The following SDK2 variants were observed in gnomAD, a reference collection of about 807,000 sequenced individuals.
SDK2 encodes sidekick cell adhesion molecule 2, also known as protein sidekick-2.
Under a neutral mutation model 253.9 loss-of-function variants are expected in SDK2, and 105 were observed. That is an observed-to-expected ratio of 0.41 (90% CI 0.35 to 0.49). SDK2 has a LOEUF of 0.49. SDK2 is among the 20% of genes least tolerant of loss of function. SDK2 has a pLI of 0.06. For missense variants in SDK2, 2,608 were observed against 3,003.0 expected, an observed-to-expected ratio of 0.87 and a Z score of 3.07; for synonymous variants, 1,249 against 1,234.9, an observed-to-expected ratio of 1.01 and a Z score of -0.24.
intron 8 of SDK2, 28 bp downstream of exon 8, chr17:73,437,711 T>A (rs1218077522): frequency 4.4e-6 from 7 of 1,574,600 alleles, no homozygotes; most frequent in Non-Finnish European, 6.1e-6. Context: ...GGGGTCTTTG[T>A]CCCCCTCCAG....
In SDK2 at chr17:73,337,663, A is replaced by G. The variant is rs1279339074; in HGVS notation, c.*924T>C. ...GAACCTGGATTGGAAGAAAGAGAAC[A>G]GTCAAAGTGTCATTCTTATCTTGCC... On this transcript the variant is annotated 3_prime_UTR_variant, in exon 45 of 45. Coordinates refer to ENST00000392650, the MANE Select transcript of SDK2 (RefSeq NM_001144952.2). The G allele has an allele frequency of 1.3e-5, 2 of 152,298 alleles. No homozygotes were observed. The highest frequency in any genetic ancestry group is 6.5e-5 in the Admixed American group (1 of 15,282). The allele number at this position is 152,298 out of a possible 1,614,324, so 9.4% of individuals were successfully genotyped here.
chr17:73,600,910 G>A (rs897236448), intron 1 of SDK2, among the ~76,000 whole-genome samples: 4 of 152,160 alleles, frequency 2.6e-5, no homozygotes, highest in Admixed American at 2.6e-4. Flanking sequence ...ACAGGAGGCA[G>A]GATACCAGAG....
At position 73,386,315 on chromosome 17, in the gene SDK2, G is replaced by C. The variant is rs80092974; in HGVS notation, c.4498+130C>G. 7.2e-3 allele frequency: 5,032 copies of C among 694,872 alleles called. 148 individuals carry two copies. The East Asian group carries it at 0.079, about 11-fold the overall frequency. 43.0% of individuals were successfully genotyped at this position (694,872 alleles called of 1,614,324 possible). ...CAAACCTCCCTGAGACCCTACCCCGGGAGCTGAAGGGCCCAGTGGGTCCCA... is the reference window on the plus strand; with the variant it reads ...CAAACCTCCCTGAGACCCTACCCCGCGAGCTGAAGGGCCCAGTGGGTCCCA... On this transcript the variant is annotated intron_variant, in intron 31 of 44. Transcript: ENST00000392650.
chr17:73,418,047 G>A (rs1036193127), intron 16 of SDK2, among the ~76,000 whole-genome samples: 3 of 127,610 alleles, frequency 2.4e-5, no homozygotes, highest in Admixed American at 2.0e-4. Context: ...ATGGAGTCTC[G>A]CCCAGGCTGG....
chr17:73,503,160 A>T (rs1031037107), intron 2 of SDK2, among the ~76,000 whole-genome samples: 3 of 152,226 alleles, frequency 2.0e-5, no homozygotes, highest in African/African-American at 7.2e-5. Context: ...ATCAAGACTC[A>T]TGGCAATTAA....
chr17:73,530,695 C>T (rs551056330), intron 1 of SDK2, among the ~76,000 whole-genome samples: 3 of 152,316 alleles, frequency 2.0e-5, no homozygotes, highest in Middle Eastern at 3.4e-3. Flanking sequence ...CCTGGTCTTA[C>T]AGTCTCAATT....
chr17:73,414,817 C>T (rs1018479910), intron 17 of SDK2, 58 bp from the exon 18 acceptor site: 9 of 1,129,454 alleles, frequency 8.0e-6, no homozygotes, highest in African/African-American at 7.6e-5. Context: ...CTCTCTTGCC[C>T]AGTTCAGTAG....
At position 73,639,660 on chromosome 17, in the gene SDK2, A is replaced by T. The variant is rs1052856285; in HGVS notation, c.64+4365T>A. Among the ~76,000 whole-genome samples the T allele has an allele frequency of 6.6e-6, 1 of 151,796 alleles. No individual in the cohort carries two copies. The highest frequency in any genetic ancestry group is 1.5e-5 in the Non-Finnish European group (1 of 67,944). ...GAAACCCCGCAGGGCGCACACTAAC[A>T]CCCGACATCAATTCCAACTCAGCCT... On this transcript the variant is annotated intron_variant, in intron 1 of 44. Transcript: ENST00000392650. This position sits in a 1 kb window ranked among gnomAD's most constrained non-coding sequence, Gnocchi z 4.3.
rs370403996 is a variant in SDK2, at chr17:73,379,160, G to C, written c.4980+17C>G. ...TCTCATCCGTGCACCCCTTTGCTCT[G>C]CCCGAGGGCACCCTACCTTGTACCC... On this transcript the variant is annotated intron_variant, in intron 36 of 44. Coordinates refer to ENST00000392650, the MANE Select transcript of SDK2 (RefSeq NM_001144952.2). The surrounding 1 kb of genome is among the most constrained non-coding windows in gnomAD (Gnocchi z 4.5). The C allele has an allele frequency of 6.5e-7, 1 of 1,544,038 alleles. No homozygotes were observed. The highest frequency in any genetic ancestry group is 8.8e-7 in the Non-Finnish European group (1 of 1,139,656).
intron 1 of SDK2, among the ~76,000 whole-genome samples, chr17:73,576,207 A>G (rs2045457100): frequency 6.6e-6 from 1 of 152,170 alleles, no homozygotes; most frequent in African/African-American, 2.4e-5. Flanking sequence ...AGGGAAAGGC[A>G]TCCCAAAGAA....
At position 73,383,942 on chromosome 17, in the gene SDK2, C is replaced by T; in HGVS notation, c.4639G>A (p.Glu1547Lys). Residue 1547 changes from glutamate to lysine, a missense_variant, in exon 33 of 45, where the codon GAA (glutamate) becomes AAA (lysine). This residue lies in a region of SDK2 where 1,103 missense variants were observed against 1,143.9 expected (regional missense o/e 0.96). Coordinates refer to ENST00000392650, the MANE Select transcript of SDK2 (RefSeq NM_001144952.2). The surrounding 1 kb of genome is among the most constrained non-coding windows in gnomAD (Gnocchi z 4.3). The stretch of plus-strand genomic sequence containing the variant: ...CGAAGCGTGAAGCCCCTCAGTCCTT[C>T]ATAGAGCAGCTCCCGGTATCGGATC... ...FRIRYRELLYEGLRGFTLRGI... is the reference protein window; with the variant it reads ...FRIRYRELLYKGLRGFTLRGI... 2 of 1,613,958 alleles carry T rather than the reference C, an allele frequency of 1.2e-6. No individual in the cohort carries two copies. The highest frequency in any genetic ancestry group is 4.5e-5 in the East Asian group (2 of 44,860).
chr17:73,546,058 A>C, intron 1 of SDK2, among the ~76,000 whole-genome samples: 1 of 150,902 alleles, frequency 6.6e-6, no homozygotes, highest in East Asian at 2.0e-4. Context: ...GGGAAAAGAC[A>C]CCAGAAAGGC....
chr17:73,438,927 C>T (rs751138065), intron 6 of SDK2, among the ~76,000 whole-genome samples: 6 of 152,158 alleles, frequency 3.9e-5, no homozygotes, highest in Admixed American at 2.0e-4. Flanking sequence ...CTTGAGGTGA[C>T]GCTGGGCAGT....
chr17:73,396,798 G>C (rs1267847181), intron 24 of SDK2, among the ~76,000 whole-genome samples: 1 of 152,210 alleles, frequency 6.6e-6, no homozygotes, highest in African/African-American at 2.4e-5. Context: ...AGGAAGCAGG[G>C]AGCCAGCCTG....
Position 73,387,899 on chromosome 17 carries a change from C to T in SDK2, c.4331G>A (p.Ser1444Asn). 6.3e-7 allele frequency: 1 copy of T among 1,592,626 alleles called. No individual in the cohort carries two copies. The change falls in exon 30 of 45, where the codon AGC (serine) becomes AAC (asparagine). Residue 1444 changes from serine (S) to asparagine (N), a missense_variant. Ser to Asn is a conservative substitution (Grantham distance 46). This residue lies in a region of SDK2 where 1,103 missense variants were observed against 1,143.9 expected (regional missense o/e 0.96). Coordinates refer to ENST00000392650, the MANE Select transcript of SDK2 (RefSeq NM_001144952.2). ...YYTIQTRELP[S>N]GRWALHSASV... ...GGCCGAGTGCAGTGCCCACCTGCCG[C>T]TGGGCAGCTCGCGGGTCTGGATGGT...
chr17:73,403,558 G>A (rs1443784615), intron 18 of SDK2, among the ~76,000 whole-genome samples: 2 of 152,018 alleles, frequency 1.3e-5, no homozygotes, highest in African/African-American at 2.4e-5. Context: ...AGCAATTAAT[G>A]GTGAAAAGCA....
Position 73,435,596 on chromosome 17 carries a change from T to C in SDK2, c.1049A>G (p.Glu350Gly). 2.5e-6 allele frequency: 4 copies of C among 1,578,576 alleles called. No individual in the cohort carries two copies. The highest frequency in any genetic ancestry group is 3.4e-6 in the Non-Finnish European group (4 of 1,162,092). ...CCGGAAGCGGGTCAACTTCTCCACC[T>C]CCACCACGGCTGCGTCCTTGTACCA... ...ITWYKDAAVV[E>G]VEKLTRFRQR... Residue 350 changes from glutamate (E) to glycine (G), a missense_variant, in exon 9 of 45, where the codon GAG becomes GGG. Transcript: ENST00000392650. The surrounding 1 kb of genome is among the most constrained non-coding windows in gnomAD (Gnocchi z 5.7).
intron 1 of SDK2, among the ~76,000 whole-genome samples, chr17:73,598,256 TTGGGAGACTCGGTG>T (rs2045788078): frequency 6.6e-6 from 1 of 152,152 alleles, no homozygotes; most frequent in Non-Finnish European, 1.5e-5. Flanking sequence ...TTTGCTGGGT[TTGGGAGACTCGGTG>T]TGGGGCGTGA....
intron 1 of SDK2, among the ~76,000 whole-genome samples, chr17:73,537,472 C>T (rs1298111205): frequency 2.0e-5 from 3 of 152,090 alleles, no homozygotes; most frequent in Admixed American, 6.6e-5. Context: ...ATCTATTGAC[C>T]CAGCTCATAA....
Sources: gnomAD v4.1 joint callset for allele counts (sites outside exome capture counted in the v4.1 genomes callset) on GRCh38, gnomAD v4.1.1 for gene constraint, gnomAD v4.1.1 regional missense constraint, Gnocchi (gnomAD v3.1) non-coding constraint, MANE v1.5 for transcripts, NCBI Gene and HGNC (gene_info 2026-07-23, HGNC 2026-07-21) for gene names.